The following CSPG4 variants were observed in gnomAD, a reference collection of about 807,000 sequenced individuals.
CSPG4 encodes the protein chondroitin sulfate proteoglycan 4 (melanoma-associated).
A neutral mutation model predicts 139.3 loss-of-function variants in CSPG4; 74 were observed. The ratio of observed to expected loss-of-function variants is 0.53; its 90% CI spans 0.44 to 0.64. The LOEUF is 0.64. Ranked by LOEUF, CSPG4 falls within the 30% of genes least tolerant of loss-of-function variation. The pLI is 0.00. For synonymous variants in CSPG4, 1,234 were observed against 1,394.2 expected (o/e 0.89, Z 2.56); for missense variants, 2,565 against 3,148.3 (o/e 0.81, Z 4.43).
intron 1 of CSPG4, among the ~76,000 whole-genome samples, chr15:75,702,263 G>A (rs767355678): frequency 1.1e-4 from 17 of 152,192 alleles, no homozygotes; most frequent in South Asian, 2.1e-4. Flanking sequence ...CACTGACTCC[G>A]TGCACACCTA....
At chr15:75,683,174 T>C (rs1397925387) in intron 5 of CSPG4, 133 bp from the exon 6 acceptor site, 9 of 848,792 alleles carry the variant, frequency 1.1e-5, no homozygotes, top group Non-Finnish European at 1.7e-5. Flanking sequence ...CTGGCGCCAC[T>C]CTGGCTCCCC....
intron 1 of CSPG4, among the ~76,000 whole-genome samples, chr15:75,709,659 T>G (rs907040958): frequency 4.6e-5 from 7 of 151,688 alleles, no homozygotes; most frequent in African/African-American, 1.5e-4. Context: ...TATTTCCAAC[T>G]CCCCCTCCCC....
chr15:75,682,436 G>C lies in CSPG4; in HGVS notation c.4807C>G (p.Gln1603Glu), dbSNP rs1232389670. Residue 1603 changes from glutamine (Q) to glutamate (E), a missense_variant, in exon 8 of 10, where the codon CAG (glutamine) becomes GAG (glutamate). Around this residue, in one of 5 missense-constraint regions of CSPG4, gnomAD observed 2,316 missense variants for 2,818.2 expected, o/e 0.82. Transcript: ENST00000308508. ...CPGSVQPLSSQTLRASSSAGT... is the reference protein window; with the variant it reads ...CPGSVQPLSSETLRASSSAGT... ...GCGCTGGAGCTGGCCCTGAGGGTCT[G>C]ACTGCTGAGTGGCTGGACGGACCCT... 6.3e-7 allele frequency: 1 copy of C among 1,587,678 alleles called. No individual in the cohort carries two copies. The highest frequency in any genetic ancestry group is 2.2e-5 in the East Asian group (1 of 44,694).
rs200723566 is a variant in CSPG4, at chr15:75,677,015, G to A, written c.5504C>T (p.Pro1835Leu). 2.8e-6 allele frequency: 4 copies of A among 1,441,304 alleles called. No individual in the cohort carries two copies. Among genetic ancestry groups the A allele is most frequent in the African/African-American group, 2.9e-5 (2 of 69,790 alleles). The allele number at this position is 1,441,304 out of a possible 1,614,324, so 89.3% of individuals were successfully genotyped here. A position where few individuals can be genotyped will look rare whatever the true frequency, so the allele number is the denominator to read the frequency against. ...VRDVNERPPQ[P>L]QASVPLRLTR... ...GAGCCGGAGTGGGACAGAGGCCTGT[G>A]GCTGAGGGGGCCGCTCATTTACATC... Residue 1835 changes from proline to leucine, a missense_variant, in exon 10 of 10, where the codon CCA becomes CTA. Physicochemically the swap from Pro to Leu is moderately conservative, Grantham distance 98 (BLOSUM62 -3). Transcript: ENST00000308508.
upstream of CSPG4, among the ~76,000 whole-genome samples, chr15:75,713,252 C>A (rs746077508): frequency 6.6e-6 from 1 of 152,210 alleles, no homozygotes; most frequent in Non-Finnish European, 1.5e-5. Context: ...CCCTCACAGG[C>A]GGCTTTTGGG....
intron 7 of CSPG4, 50 bp from the exon 8 acceptor site, chr15:75,682,509 G>T: frequency 6.3e-7 from 1 of 1,582,092 alleles, no homozygotes; most frequent in African/African-American, 1.3e-5. Flanking sequence ...GCCAGGTCCA[G>T]GCCTGTGTTT....
chr15:75,704,949 C>A (rs963435435), intron 1 of CSPG4, among the ~76,000 whole-genome samples: 36 of 152,184 alleles, frequency 2.4e-4, no homozygotes, highest in African/African-American at 8.7e-4. Context: ...GAGGGACTCG[C>A]GAGGGGTTGG....
Position 75,676,699 on chromosome 15 carries a change from G to A in CSPG4, c.5820C>T (p.Ser1940=), listed in dbSNP as rs757170407. Residue 1940 remains serine, a synonymous_variant, in exon 10 of 10, where the codon TCC becomes TCT. Transcript: ENST00000308508. ...PMSLAVDILP[S]AIEVQLRAPL... ...GTGCCCGCAGCTGCACCTCGATGGCGGATGGTAGGATGTCCACAGCCAGGG... is the reference window on the plus strand; with the variant it reads ...GTGCCCGCAGCTGCACCTCGATGGCAGATGGTAGGATGTCCACAGCCAGGG... 8.8e-6 allele frequency: 14 copies of A among 1,588,776 alleles called. No individual in the cohort carries two copies. The highest frequency in any genetic ancestry group is 1.3e-5 in the African/African-American group (1 of 74,376).
intron 1 of CSPG4, among the ~76,000 whole-genome samples, chr15:75,702,506 C>T (rs12908447): frequency 4.6e-5 from 7 of 152,066 alleles, no homozygotes; most frequent in Admixed American, 1.3e-4. Context: ...GGGGACAGGA[C>T]GTGGGAGGAA....
In CSPG4 at chr15:75,684,746, G is replaced by T; in HGVS notation, c.4439C>A (p.Thr1480Lys). 1 of 1,613,522 alleles carries T rather than the reference G, an allele frequency of 6.2e-7. No homozygotes were observed. Among genetic ancestry groups the T allele is most frequent in the Non-Finnish European group, 8.5e-7 (1 of 1,179,734 alleles). Residue 1480 changes from threonine to lysine, a missense_variant, in exon 5 of 10, where the codon ACA becomes AAA. Thr to Lys is a moderately conservative substitution (Grantham distance 78). Around this residue, in one of 5 missense-constraint regions of CSPG4, gnomAD observed 2,316 missense variants for 2,818.2 expected, o/e 0.82. Transcript: ENST00000308508. ...CAGGGATGCTCTCACCTGCAGGCCT[G>T]TGTTTGTAGTGAGGATGGGGGGTTG... ...NDQPPILTTNTGLQMWEGATA... is the reference protein window; with the variant it reads ...NDQPPILTTNKGLQMWEGATA...
intron 1 of CSPG4, among the ~76,000 whole-genome samples, chr15:75,707,811 C>T (rs1055435228): frequency 2.0e-5 from 3 of 151,982 alleles, no homozygotes; most frequent in African/African-American, 7.3e-5. Context: ...GTCAGAAAAT[C>T]CCTGGTTGGC....
In CSPG4 at chr15:75,682,862, G is replaced by A. The variant is rs756732390; in HGVS notation, c.4629C>T (p.Leu1543=). 7.5e-6 allele frequency: 12 copies of A among 1,609,606 alleles called. No homozygotes were observed. The East Asian group carries it at 8.9e-5, about 12-fold the overall frequency. Residue 1543 remains leucine (L), a synonymous_variant, in exon 6 of 10, where the codon CTC becomes CTT. Transcript: ENST00000308508. The part of the protein sequence containing the change: ...SFTQAQLDGG[L]VLFSHRGTLD... Reference sequence around the variant, plus strand: ...ACCCACCTCTGTGTGAGAACAGCACGAGCCCGCCGTCCAGCTGGGCCTGCG... The same window carrying A: ...ACCCACCTCTGTGTGAGAACAGCACAAGCCCGCCGTCCAGCTGGGCCTGCG...
Position 75,685,284 on chromosome 15 carries a change from G to C in CSPG4, c.4207C>G (p.His1403Asp). Residue 1403 changes from histidine (H) to aspartate (D), a missense_variant, in exon 4 of 10, where the codon CAT (histidine) becomes GAT (aspartate). Transcript: ENST00000308508. Reference sequence around the variant, plus strand: ...CCGTCCTCCTTCTGCAGGGCTCCATGCTGGGGTGGCTCCAGCACCTGCAGG... The same window carrying C: ...CCGTCCTCCTTCTGCAGGGCTCCATCCTGGGGTGGCTCCAGCACCTGCAGG... ...LSLQVLEPPQ[H>D]GALQKEDGPQ... 6.3e-7 allele frequency: 1 copy of C among 1,576,482 alleles called. No homozygotes were observed. The highest frequency in any genetic ancestry group is 8.6e-7 in the Non-Finnish European group (1 of 1,159,022).
At position 75,675,943 on chromosome 15, in the gene CSPG4, GC is replaced by G; in HGVS notation, c.6575del (p.Ser2192ThrfsTer24). ...TGGGGCCTGGCTCGCCTGTGGGGGT[GC>G]TGCTCTCTGGCTTCCCTGCTTCCGT... ...ARTEAGKPES[S>X]TPTGEPGPMA... On this transcript the variant is annotated frameshift_variant, in exon 10 of 10. Transcript: ENST00000308508. LOFTEE classifies it high-confidence loss of function. 1 of 1,591,668 alleles carries G rather than the reference GC, an allele frequency of 6.3e-7. No homozygotes were observed. The highest frequency in any genetic ancestry group is 1.7e-5 in the Admixed American group (1 of 59,550).
intron 1 of CSPG4, among the ~76,000 whole-genome samples, chr15:75,697,021 G>C (rs1034153061): frequency 1.3e-5 from 2 of 152,184 alleles, no homozygotes; most frequent in Admixed American, 6.5e-5. Flanking sequence ...ACAAGGAGTC[G>C]CTGTGAGGGG....
chr15:75,677,684 A>C lies in CSPG4; in HGVS notation c.5134+19T>G. 1 of 1,574,650 alleles carries C rather than the reference A, an allele frequency of 6.4e-7. No homozygotes were observed. Among genetic ancestry groups the C allele is most frequent in the Non-Finnish European group, 8.6e-7 (1 of 1,160,978 alleles). ...CATTGTCCCTCCCCACAATCTTGCC[A>C]GCTTATCATGCTGTTCACCTTTGTT... On this transcript the variant is annotated intron_variant, in intron 9 of 9. Transcript: ENST00000308508.
chr15:75,704,893 G>A (rs1289740981), intron 1 of CSPG4, among the ~76,000 whole-genome samples: 4 of 152,216 alleles, frequency 2.6e-5, no homozygotes, highest in African/African-American at 7.2e-5. Context: ...TGGCAGGTGA[G>A]CTGTCCCACG....
In CSPG4 at chr15:75,676,597, C is replaced by T. The variant is rs563771311; in HGVS notation, c.5922G>A (p.Glu1974=). The T allele has an allele frequency of 4.7e-5, 75 of 1,611,890 alleles. No homozygotes were observed. The highest frequency in any genetic ancestry group is 4.1e-4 in the South Asian group (37 of 90,986). Residue 1974 remains glutamate (E), a synonymous_variant, in exon 10 of 10, where the codon GAG becomes GAA. Coordinates refer to ENST00000308508, the MANE Select transcript of CSPG4 (RefSeq NM_001897.5). ...QQLRVVSDRE[E]PEAAYRLIQG... ...GGATGAGGCGGTATGCTGCCTCTGG[C>T]TCCTCCCGATCTGAAACCACCCGGA...
chr15:75,688,329 A>AGGTG lies in CSPG4; in HGVS notation c.2735_2736insCACC (p.Gly913ThrfsTer3). ...GGTCAGCAGAGAGGACACCCTCACC[A>AGGTG]CCCTCAGGCACCACGAGGAGGACAT... On this transcript the variant is annotated frameshift_variant, in exon 3 of 10. Transcript: ENST00000308508. LOFTEE classifies it high-confidence loss of function. 6.2e-7 allele frequency: 1 copy of AGGTG among 1,613,176 alleles called. No homozygotes were observed. Among genetic ancestry groups the AGGTG allele is most frequent in the Admixed American group, 1.7e-5 (1 of 60,024 alleles).
Sources: gnomAD v4.1 joint callset for allele counts (sites outside exome capture counted in the v4.1 genomes callset) on GRCh38, gnomAD v4.1.1 for gene constraint, gnomAD v4.1.1 regional missense constraint, MANE v1.5 for transcripts, NCBI Gene and HGNC (gene_info 2026-07-23, HGNC 2026-07-21) for gene names.